PTPRQ: variants seen among roughly 807,000 people sequenced by gnomAD.
The protein encoded by PTPRQ is phosphatidylinositol phosphatase PTPRQ.
PTPRQ carries 199 observed loss-of-function variants against 246.0 expected under a neutral mutation model. That is an observed-to-expected ratio of 0.81 (90% confidence interval 0.72 to 0.91). The LOEUF (loss-of-function observed/expected upper bound fraction) is 0.91, where lower values mean the gene tolerates loss of function less well. PTPRQ is among the 40% of genes least tolerant of loss of function. PTPRQ has a pLI of 0.00. For synonymous variants in PTPRQ, 869 were observed against 853.2 expected (o/e 1.02, Z -0.32); for missense variants, 2,624 against 2,528.4 (o/e 1.04, Z -0.81).
intron 17 of PTPRQ, among the ~76,000 whole-genome samples, chr12:80,529,107 A>G (rs1017785618): frequency 2.0e-5 from 3 of 152,170 alleles, no homozygotes; most frequent in Non-Finnish European, 4.4e-5. Flanking sequence ...TTAATACATA[A>G]TCACTAGCCT....
chr12:80,544,904 T>C (rs953698540), intron 23 of PTPRQ, among the ~76,000 whole-genome samples: 4 of 152,176 alleles, frequency 2.6e-5, no homozygotes, highest in African/African-American at 9.6e-5. Context: ...CCACAGATAA[T>C]AAAATCAATA....
chr12:80,462,072 T>G (rs189523847), intron 6 of PTPRQ: 1 of 686,970 alleles, frequency 1.5e-6, no homozygotes, highest in East Asian at 2.7e-5. Flanking sequence ...ATTGCCTCAC[T>G]TGGGGAGCAC....
At chr12:80,569,129 C>CTT (rs778431539) in intron 25 of PTPRQ, among the ~76,000 whole-genome samples, 144 of 97,568 alleles carry the variant, frequency 1.5e-3, no homozygotes, top group African/African-American at 4.8e-3. Context: ...GGATACAATT[C>CTT]TTTTTTTTTT....
intron 25 of PTPRQ, among the ~76,000 whole-genome samples, chr12:80,575,270 G>T (rs1056167026): frequency 6.6e-6 from 1 of 152,124 alleles, no homozygotes; most frequent in Non-Finnish European, 1.5e-5. Flanking sequence ...GCTTTAAATT[G>T]ATTATTAGAC....
chr12:80,447,617 T>C (rs1892592867), intron 3 of PTPRQ, among the ~76,000 whole-genome samples: 1 of 151,720 alleles, frequency 6.6e-6, no homozygotes, highest in African/African-American at 2.4e-5. Flanking sequence ...CTCTTGGATA[T>C]GGCCAGCCAG....
intron 29 of PTPRQ, 103 bp from the exon 30 acceptor site, chr12:80,616,097 C>T: frequency 1.8e-6 from 1 of 567,964 alleles, no homozygotes; most frequent in Non-Finnish European, 2.4e-6. Flanking sequence ...ATATATATAA[C>T]TATATATATA....
rs558206712 is a variant in PTPRQ, at chr12:80,563,352, C to G, written c.4285+13618C>G. 4.6e-5 allele frequency among the ~76,000 whole-genome samples: 7 copies of G among 152,060 alleles called. No individual in the cohort carries two copies. The South Asian group carries it at 1.2e-3, about 27-fold the overall frequency. On this transcript the variant is annotated intron_variant, in intron 25 of 44. Transcript: ENST00000644991. The stretch of plus-strand genomic sequence containing the variant: ...TGCAGCCTAATCCCACTCGTGATTA[C>G]TGCCCTAATCCCACTCGTGAGGGCA...
intron 35 of PTPRQ, 67 bp from the exon 36 acceptor site, chr12:80,648,825 TTAATC>T: frequency 2.9e-6 from 4 of 1,400,492 alleles, no homozygotes; most frequent in Non-Finnish European, 3.8e-6. Flanking sequence ...TTTTCTGACT[TTAATC>T]TACACTTCTT....
At chr12:80,539,014 T>C (rs1896070089) in intron 19 of PTPRQ, among the ~76,000 whole-genome samples, 1 of 152,196 alleles carries the variant, frequency 6.6e-6, no homozygotes, top group Admixed American at 6.5e-5. Context: ...AATTATAAAA[T>C]TATTCATACT....
At chr12:80,590,539 G>T (rs1234689838) in intron 26 of PTPRQ, among the ~76,000 whole-genome samples, 1 of 151,662 alleles carries the variant, frequency 6.6e-6, no homozygotes, top group Non-Finnish European at 1.5e-5. Context: ...ATGGTGGCAG[G>T]TGCCTGTAGT....
intron 6 of PTPRQ, among the ~76,000 whole-genome samples, chr12:80,464,110 TA>T (rs1893312454): frequency 6.6e-6 from 1 of 151,810 alleles, no homozygotes; most frequent in Non-Finnish European, 1.5e-5. Flanking sequence ...CAGTGTGTTG[TA>T]TTCAGGAAAC....
chr12:80,637,794 C>T (rs901841183), intron 35 of PTPRQ, among the ~76,000 whole-genome samples: 6 of 152,124 alleles, frequency 3.9e-5, no homozygotes, highest in Admixed American at 2.6e-4. Context: ...AGCTCTAAAA[C>T]TCTTCATCTG....
In PTPRQ at chr12:80,670,475, T is replaced by C; in HGVS notation, c.6585T>C (p.Pro2195=). The C allele has an allele frequency of 6.5e-7, 1 of 1,549,240 alleles. No homozygotes were observed. Among genetic ancestry groups the C allele is most frequent in the Non-Finnish European group, 8.7e-7 (1 of 1,145,730 alleles). Residue 2195 remains proline (P), a synonymous_variant, in exon 42 of 45, where the codon CCT becomes CCC. Transcript: ENST00000644991. ...VRASRAHDTT[P]MIVHCSAGVG... is the part of the protein sequence containing the mutation. ...CAAGCAGGGCACATGACACCACACC[T>C]ATGATTGTTCACTGCAGGTGAGAAA...
intron 26 of PTPRQ, among the ~76,000 whole-genome samples, chr12:80,600,384 T>G (rs1236977581): frequency 2.0e-5 from 3 of 151,712 alleles, no homozygotes; most frequent in African/African-American, 4.8e-5. Flanking sequence ...CTATATTTCT[T>G]TCTGAGCTGG....
At chr12:80,612,676 T>A (rs1339068047) in intron 28 of PTPRQ, among the ~76,000 whole-genome samples, 2 of 150,380 alleles carry the variant, frequency 1.3e-5, no homozygotes, top group East Asian at 3.9e-4. Context: ...GTAGTCACAC[T>A]CTTGGGCACT....
Position 80,549,457 on chromosome 12 carries a change from C to T in PTPRQ, c.4016-8C>T. On this transcript the variant is annotated splice_region_variant and splice_polypyrimidine_tract_variant and intron_variant, in intron 24 of 44. Transcript: ENST00000644991. The stretch of plus-strand genomic sequence containing the variant: ...ACTTTAACTTTGGGCATATGTTTAT[C>T]TCTTAAGTTCCAGATGTCGTGCAGA... 1 of 1,536,064 alleles carries T rather than the reference C, an allele frequency of 6.5e-7. No homozygotes were observed. Among genetic ancestry groups the T allele is most frequent in the Non-Finnish European group, 8.8e-7 (1 of 1,138,286 alleles).
At chr12:80,546,769 A>G (rs1896320971) in intron 24 of PTPRQ, 72 bp downstream of exon 24, 1 of 1,499,974 alleles carries the variant, frequency 6.7e-7, no homozygotes, top group African/African-American at 1.4e-5. Flanking sequence ...TTCTTAGTTT[A>G]TATGATAAAG....
chr12:80,562,402 C>T (rs1225901528), intron 25 of PTPRQ, among the ~76,000 whole-genome samples: 1 of 152,088 alleles, frequency 6.6e-6, no homozygotes, highest in Non-Finnish European at 1.5e-5. Context: ...ACTATCTGAA[C>T]TTAGAGATGT....
At chr12:80,461,067 T>C (rs1188819629) in intron 6 of PTPRQ, among the ~76,000 whole-genome samples, 165 bp downstream of exon 6, 1 of 152,230 alleles carries the variant, frequency 6.6e-6, no homozygotes, top group Non-Finnish European at 1.5e-5. Flanking sequence ...CTATACTCTT[T>C]TATATTATAG....
Sources: gnomAD v4.1 joint callset for allele counts (sites outside exome capture counted in the v4.1 genomes callset) on GRCh38, gnomAD v4.1.1 for gene constraint, MANE v1.5 for transcripts, NCBI Gene and HGNC (gene_info 2026-07-23, HGNC 2026-07-21) for gene names.